Variants in GRIA4 observed in about 807,000 individuals in gnomAD.
GRIA4 encodes glutamate ionotropic receptor AMPA type subunit 4.
In GRIA4, 34 loss-of-function variants were observed where a neutral mutation model predicts 104.0. The ratio of observed to expected loss-of-function variants is 0.33; its 90% CI spans 0.25 to 0.44. GRIA4 has a LOEUF of 0.44. Among genes scored for constraint, GRIA4 ranks in the 20% least tolerant of loss-of-function variants. GRIA4 has a pLI of 1.00. For synonymous variants in GRIA4, 386 were observed against 381.9 expected (o/e 1.01, Z -0.13); for missense variants, 750 against 1,096.5 (o/e 0.68, Z 4.46).
chr11:105,744,170 A>C (rs2135665834), intron 3 of GRIA4, among the ~76,000 whole-genome samples: 2 of 152,318 alleles, frequency 1.3e-5, no homozygotes, highest in Middle Eastern at 6.8e-3. Context: ...TTATCAGTTT[A>C]GAGCCCTGTC....
At chr11:105,951,917 C>T (rs1357706008) in intron 14 of GRIA4, among the ~76,000 whole-genome samples, 2 of 152,070 alleles carry the variant, frequency 1.3e-5, no homozygotes, top group East Asian at 3.9e-4. Context: ...GAGCCATGAT[C>T]ATGCCACTTC....
At chr11:105,726,390 A>G (rs537428058) in intron 3 of GRIA4, among the ~76,000 whole-genome samples, 21 of 152,318 alleles carry the variant, frequency 1.4e-4, no homozygotes, top group Non-Finnish European at 2.5e-4. Flanking sequence ...CAGAAGCCCC[A>G]GTCAGGAGCT....
At chr11:105,636,870 T>C (rs971110399) in intron 3 of GRIA4, among the ~76,000 whole-genome samples, 5 of 152,200 alleles carry the variant, frequency 3.3e-5, no homozygotes, top group Admixed American at 2.6e-4. Flanking sequence ...GTGCAGTGTA[T>C]GTAGCTACCA....
At chr11:105,741,766 T>A (rs929301569) in intron 3 of GRIA4, among the ~76,000 whole-genome samples, 1 of 152,150 alleles carries the variant, frequency 6.6e-6, no homozygotes, top group African/African-American at 2.4e-5. Flanking sequence ...AATTTACTTT[T>A]ATTGTGTATG....
At chr11:105,714,351 ACT>A (rs989847335) in intron 3 of GRIA4, among the ~76,000 whole-genome samples, 4 of 152,112 alleles carry the variant, frequency 2.6e-5, no homozygotes, top group Non-Finnish European at 4.4e-5. Flanking sequence ...ATCAAATCAC[ACT>A]GTTTTAAATT....
intron 4 of GRIA4, among the ~76,000 whole-genome samples, chr11:105,855,552 A>AT (rs1193161635): frequency 9.2e-5 from 14 of 152,140 alleles, no homozygotes; most frequent in Middle Eastern, 3.2e-3. Context: ...TAATAGCTAT[A>AT]TAGTAATTAT....
At chr11:105,949,906 C>G (rs1948418821) in intron 14 of GRIA4, among the ~76,000 whole-genome samples, 1 of 152,154 alleles carries the variant, frequency 6.6e-6, no homozygotes, top group Non-Finnish European at 1.5e-5. Flanking sequence ...CTTCCTATTT[C>G]ACTTTTGCCA....
intron 14 of GRIA4, among the ~76,000 whole-genome samples, chr11:105,966,392 G>A (rs473281): frequency 1 from 152,071 of 152,274 alleles, 75,934 homozygotes; most frequent in Middle Eastern, 1. Context: ...GAGAGGGGAG[G>A]GAGCAGGGCG....
chr11:105,667,034 T>A lies in GRIA4; in HGVS notation c.247+54600T>A, dbSNP rs1039570849. On this transcript the variant is annotated intron_variant, in intron 3 of 16. Transcript: ENST00000282499. The stretch of plus-strand genomic sequence containing the variant: ...TGGTTCCTACAATGGATTTCCTAAT[T>A]ATATGTTTAAATCTGTTCAAAATCA... 1.2e-4 allele frequency among the ~76,000 whole-genome samples: 18 copies of A among 152,146 alleles called. No individual in the cohort carries two copies. In the East Asian group the frequency reaches 3.3e-3, roughly 28 times the overall value.
chr11:105,810,017 G>T (rs914733000), intron 4 of GRIA4, among the ~76,000 whole-genome samples: 2 of 151,934 alleles, frequency 1.3e-5, no homozygotes, highest in African/African-American at 4.8e-5. Flanking sequence ...TAAGGATAAG[G>T]TTGTTATCTG....
chr11:105,897,521 T>C (rs757440304), intron 6 of GRIA4, among the ~76,000 whole-genome samples: 1 of 152,134 alleles, frequency 6.6e-6, no homozygotes, highest in Non-Finnish European at 1.5e-5. Context: ...TTTTGCCCAG[T>C]CAGTATGATG....
At chr11:105,812,859 TGGCA>T (rs933106297) in intron 4 of GRIA4, among the ~76,000 whole-genome samples, 4 of 152,102 alleles carry the variant, frequency 2.6e-5, no homozygotes, top group Admixed American at 2.6e-4. Flanking sequence ...CCCAGCACTT[TGGCA>T]GGCCAAGGCG....
At chr11:105,883,467 C>T (rs182116296) in intron 5 of GRIA4, among the ~76,000 whole-genome samples, 1 of 149,552 alleles carries the variant, frequency 6.7e-6, no homozygotes, top group African/African-American at 2.5e-5. Flanking sequence ...TGATGTTCCC[C>T]TTCCTGTGTC....
chr11:105,650,650 T>G (rs577210163), intron 3 of GRIA4, among the ~76,000 whole-genome samples: 1 of 152,306 alleles, frequency 6.6e-6, no homozygotes, highest in Non-Finnish European at 1.5e-5. Context: ...AGACACTTTT[T>G]AAAAATATGA....
At chr11:105,621,399 T>C (rs1217414964) in intron 3 of GRIA4, among the ~76,000 whole-genome samples, 1 of 151,562 alleles carries the variant, frequency 6.6e-6, no homozygotes, top group South Asian at 2.1e-4. Flanking sequence ...TTTTTCTGTA[T>C]AGACCTAGAG....
At chr11:105,685,042 G>A (rs1952830409) in intron 3 of GRIA4, among the ~76,000 whole-genome samples, 1 of 151,212 alleles carries the variant, frequency 6.6e-6, no homozygotes, top group South Asian at 2.1e-4. Flanking sequence ...CAATATTCCT[G>A]TTATGCCTGA....
intron 4 of GRIA4, among the ~76,000 whole-genome samples, chr11:105,775,948 A>C (rs541186832): frequency 6.6e-6 from 1 of 152,004 alleles, no homozygotes; most frequent in Non-Finnish European, 1.5e-5. Context: ...GTTAAAAAAA[A>C]TCTGAAATTT....
intron 3 of GRIA4, among the ~76,000 whole-genome samples, chr11:105,659,021 T>C (rs1399833509): frequency 6.6e-6 from 1 of 151,948 alleles, no homozygotes; most frequent in Non-Finnish European, 1.5e-5. Context: ...GATAAATTTG[T>C]CAGAATATTC....
chr11:105,733,650 G>A (rs1459033988), intron 3 of GRIA4, among the ~76,000 whole-genome samples: 1 of 151,864 alleles, frequency 6.6e-6, no homozygotes, highest in African/African-American at 2.4e-5. Context: ...TAGAGACGGG[G>A]TTTCGCTGTG....
Sources: allele counts gnomAD v4.1 joint callset (sites outside exome capture counted in the v4.1 genomes callset), GRCh38; gene constraint gnomAD v4.1.1; transcripts MANE v1.5; gene names NCBI Gene and HGNC (gene_info 2026-07-23, HGNC 2026-07-21).